Variants in OSBPL3 observed in about 807,000 individuals in gnomAD.
OSBPL3 encodes oxysterol-binding protein-related protein 3.
OSBPL3 carries 65 observed loss-of-function variants against 120.1 expected under a neutral mutation model. The ratio of observed to expected loss-of-function variants is 0.54; its 90% confidence interval spans 0.44 to 0.67. The LOEUF is 0.67. Among genes scored for constraint, OSBPL3 ranks in the 30% least tolerant of loss-of-function variants. The probability of loss-of-function intolerance (pLI) is 0.00; values close to 1 mark genes in which losing one functional copy is unlikely to be tolerated. For missense variants in OSBPL3, 1,004 were observed against 1,082.1 expected (o/e 0.93, Z 1.01); for synonymous variants, 416 against 402.6 (o/e 1.03, Z -0.40).
chr7:24,858,102 T>C (rs907961128), intron 10 of OSBPL3, among the ~76,000 whole-genome samples: 1 of 152,168 alleles, frequency 6.6e-6, no homozygotes, highest in Non-Finnish European at 1.5e-5. Flanking sequence ...TTCAACAATA[T>C]GCCATAAAAA....
rs1291486770 is a variant in OSBPL3 at position 24,817,197 on chromosome 7, T to C, written c.1949-509A>G. On this transcript the variant is annotated intron_variant, in intron 17 of 22. Coordinates refer to ENST00000313367, the MANE Select transcript of OSBPL3 (RefSeq NM_015550.4). The surrounding 1 kb of genome is among the most constrained non-coding windows in gnomAD (Gnocchi z 4.0). ...GTGGTTCTGTCCTATAGGTCTCAGA[T>C]TGTCTTATCTAGAGAAGAGTAGAAA... Among the ~76,000 whole-genome samples, 1 of 152,190 alleles carries C rather than the reference T, an allele frequency of 6.6e-6. No homozygotes were observed. Among genetic ancestry groups the C allele is most frequent in the Non-Finnish European group, 1.5e-5 (1 of 68,032 alleles).
Position 24,822,425 on chromosome 7 carries a change from C to CACTATCTATAATAGTGTCTATTATAGAT in OSBPL3, c.1885-2188_1885-2187insATCTATAATAGACACTATTATAGATAGT, listed in dbSNP as rs1795236977. Among the ~76,000 whole-genome samples the CACTATCTATAATAGTGTCTATTATAGAT allele has an allele frequency of 6.6e-6, 1 of 152,118 alleles. No individual in the cohort carries two copies. The highest frequency in any genetic ancestry group is 1.5e-5 in the Non-Finnish European group (1 of 68,032). On this transcript the variant is annotated intron_variant, in intron 16 of 22. Coordinates refer to ENST00000313367, the MANE Select transcript of OSBPL3 (RefSeq NM_015550.4). This position sits in a 1 kb window ranked among gnomAD's most constrained non-coding sequence, Gnocchi z 5.8. ...GACCAGCCTGGGCAACATAGTGAGA[C>CACTATCTATAATAGTGTCTATTATAGAT]ACTATCTATAATAATAATAACCATT... is the stretch of plus-strand genomic sequence containing the variant.
intron 1 of OSBPL3, among the ~76,000 whole-genome samples, chr7:24,917,422 ATATATTTG>A (rs1809788197): frequency 1.5e-5 from 2 of 136,544 alleles, no homozygotes; most frequent in African/African-American, 5.5e-5. Flanking sequence ...ATATATATAT[ATATATTTG>A]TAACATATAT....
chr7:24,938,228 A>C lies in OSBPL3; in HGVS notation c.-150+41658T>G, dbSNP rs1812649754. Among the ~76,000 whole-genome samples the C allele has an allele frequency of 2.6e-5, 4 of 152,210 alleles. No individual in the cohort carries two copies. The highest frequency in any genetic ancestry group is 2.6e-4 in the Admixed American group (4 of 15,284). On this transcript the variant is annotated intron_variant, in intron 1 of 22. Coordinates refer to ENST00000313367, the MANE Select transcript of OSBPL3 (RefSeq NM_015550.4). The surrounding 1 kb of genome is among the most constrained non-coding windows in gnomAD (Gnocchi z 5.8). ...TGCATGGGATTAATACCCTTATGAA[A>C]GAGAGCCCAGAGAGCTGTCTTGCCT...
At position 24,800,292 on chromosome 7, in the gene OSBPL3, A is replaced by G. The variant is rs750497019; in HGVS notation, c.2568-13T>C. The stretch of plus-strand genomic sequence containing the variant: ...ATCGTCGGATTTCCTGTGAAAGAAG[A>G]AACAATTTCTTGCAGACTCTTGAAA... On this transcript the variant is annotated splice_polypyrimidine_tract_variant and intron_variant, in intron 22 of 22. Transcript: ENST00000313367. The G allele has an allele frequency of 6.5e-7, 1 of 1,537,394 alleles. No homozygotes were observed. Among genetic ancestry groups the G allele is most frequent in the Non-Finnish European group, 9.0e-7 (1 of 1,110,790 alleles).
chr7:24,869,079 G>A (rs899321595), intron 5 of OSBPL3, among the ~76,000 whole-genome samples: 7 of 152,092 alleles, frequency 4.6e-5, no homozygotes, highest in East Asian at 3.8e-4. Context: ...TAACTAGAAC[G>A]CTCAGATAAC....
rs1806567410 is a variant in OSBPL3, at chr7:24,898,871, A to T, written c.-149-6250T>A. 6.6e-6 allele frequency among the ~76,000 whole-genome samples: 1 copy of T among 152,236 alleles called. No homozygotes were observed. The highest frequency in any genetic ancestry group is 2.4e-5 in the African/African-American group (1 of 41,458). On this transcript the variant is annotated intron_variant, in intron 1 of 22. Coordinates refer to ENST00000313367, the MANE Select transcript of OSBPL3 (RefSeq NM_015550.4). The surrounding 1 kb of genome is among the most constrained non-coding windows in gnomAD (Gnocchi z 4.3). ...TCACTGCTTGACCACTTCCTGTGAC[A>T]GAAACAAGGCACTTCATTTCACCTT...
intron 19 of OSBPL3, among the ~76,000 whole-genome samples, chr7:24,812,304 C>CAAAAAAAAAAA (rs57963279): frequency 1.0e-5 from 1 of 97,048 alleles, no homozygotes; most frequent in African/African-American, 4.1e-5. Context: ...GACTCCATCT[C>CAAAAAAAAAAA]AAAAAAAAAA....
intron 1 of OSBPL3, among the ~76,000 whole-genome samples, chr7:24,927,487 G>C (rs930144337): frequency 1.3e-5 from 2 of 152,152 alleles, no homozygotes; most frequent in African/African-American, 2.4e-5. Flanking sequence ...ATATAGTTAT[G>C]CTAGTAAAAT....
At position 24,861,637 on chromosome 7, in the gene OSBPL3, C is replaced by A; in HGVS notation, c.1003G>T (p.Asp335Tyr). The change falls in exon 10 of 23, where the codon GAT becomes TAT. Residue 335 changes from aspartate (D) to tyrosine (Y), a missense_variant. Around this residue, in one of 4 missense-constraint regions of OSBPL3, gnomAD observed 272 missense variants for 248.8 expected, o/e 1.09. Coordinates refer to ENST00000313367, the MANE Select transcript of OSBPL3 (RefSeq NM_015550.4). ...CCTTTATGGGCAATATGACACAGATCTTCTTGCATTTTAGAAAACTCTGAT... is the reference window on the plus strand; with the variant it reads ...CCTTTATGGGCAATATGACACAGATATTCTTGCATTTTAGAAAACTCTGAT... ...TSSEFSKMQEDLCHIAHKVYF... is the reference protein window; with the variant it reads ...TSSEFSKMQEYLCHIAHKVYF... The A allele has an allele frequency of 6.2e-7, 1 of 1,603,772 alleles. No individual in the cohort carries two copies. Among genetic ancestry groups the A allele is most frequent in the Non-Finnish European group, 8.5e-7 (1 of 1,176,318 alleles).
Position 24,808,386 on chromosome 7 carries a change from T to C in OSBPL3, c.2317+1421A>G, listed in dbSNP as rs746610599. Among the ~76,000 whole-genome samples the C allele has an allele frequency of 6.6e-6, 1 of 152,166 alleles. No homozygotes were observed. Among genetic ancestry groups the C allele is most frequent in the Non-Finnish European group, 1.5e-5 (1 of 68,028 alleles). Reference sequence around the variant, plus strand: ...GATGCTCACTGCCATTAGAGAGACATAAAGTCAAGGAATAATGACAGTAAC... The same window carrying C: ...GATGCTCACTGCCATTAGAGAGACACAAAGTCAAGGAATAATGACAGTAAC... On this transcript the variant is annotated intron_variant, in intron 20 of 22. Transcript: ENST00000313367. This position sits in a 1 kb window ranked among gnomAD's most constrained non-coding sequence, Gnocchi z 4.6.
rs563549967 is a variant in OSBPL3 at position 24,906,149 on chromosome 7, C to CA, written c.-149-13529dup. 4.4e-4 allele frequency: 84 copies of CA among 192,606 alleles called. 4 individuals are homozygous for CA. In the South Asian group the frequency reaches 7.1e-3, roughly 16 times the overall value. The allele number at this position is 192,606 out of a possible 1,614,324, so 11.9% of individuals were successfully genotyped here. On this transcript the variant is annotated intron_variant, in intron 1 of 22. Transcript: ENST00000313367. The stretch of plus-strand genomic sequence containing the variant: ...TCTGCATAGTGAGTCATTCTGGGCT[C>CA]AGCAGGCATCATCACGGAGCAGGTA...
At chr7:24,901,490 C>CT (rs1192562578) in intron 1 of OSBPL3, among the ~76,000 whole-genome samples, 1 of 152,242 alleles carries the variant, frequency 6.6e-6, no homozygotes, top group Non-Finnish European at 1.5e-5. Flanking sequence ...ATGTACCTGT[C>CT]TTTGATCCTC....
At chr7:24,909,783 C>CTTTTTTTTTTT (rs10591188) in intron 1 of OSBPL3, among the ~76,000 whole-genome samples, 3 of 77,280 alleles carry the variant, frequency 3.9e-5, no homozygotes, top group Non-Finnish European at 6.8e-5. Context: ...TTTTTTCTTT[C>CTTTTTTTTTTT]TTTTTTTTTT....
rs980408068 is a variant in OSBPL3, at chr7:24,867,750, T to C, written c.382-1513A>G. Among the ~76,000 whole-genome samples the C allele has an allele frequency of 2.6e-5, 4 of 152,172 alleles. No homozygotes were observed. Among genetic ancestry groups the C allele is most frequent in the African/African-American group, 4.8e-5 (2 of 41,452 alleles). ...AGTGTGAAAACGAACTAATACAATA[T>C]GTTAATGAATGTGAAAGTTATTTAA... On this transcript the variant is annotated intron_variant, in intron 5 of 22. Transcript: ENST00000313367. The surrounding 1 kb of genome is among the most constrained non-coding windows in gnomAD (Gnocchi z 4.5).
In OSBPL3 at chr7:24,799,584, A is replaced by G. The variant is rs1297477835; in HGVS notation, c.*599T>C. 6.6e-6 allele frequency: 1 copy of G among 152,300 alleles called. No individual in the cohort carries two copies. Among genetic ancestry groups the G allele is most frequent in the Non-Finnish European group, 1.5e-5 (1 of 68,030 alleles). 9.4% of individuals were successfully genotyped at this position (152,300 alleles called of 1,614,324 possible). A position where few individuals can be genotyped will look rare whatever the true frequency, so the allele number is the denominator to read the frequency against. ...CTTCCTTTTCAAGAAGGTGCCGTAT[A>G]CGTCTTATATAAAAATATACATTCC... On this transcript the variant is annotated 3_prime_UTR_variant, in exon 23 of 23. Coordinates refer to ENST00000313367, the MANE Select transcript of OSBPL3 (RefSeq NM_015550.4). The surrounding 1 kb of genome is among the most constrained non-coding windows in gnomAD (Gnocchi z 5.3).
Position 24,937,052 on chromosome 7 carries a change from ACT to A in OSBPL3, c.-150+42832_-150+42833del, listed in dbSNP as rs1480978201. ...TTTATAAAGGAAAGAGGTTTAATTG[ACT>A]CACAGTTCAGCATGGCTGGGGAAGC... On this transcript the variant is annotated intron_variant, in intron 1 of 22. Coordinates refer to ENST00000313367, the MANE Select transcript of OSBPL3 (RefSeq NM_015550.4). The surrounding 1 kb of genome is among the most constrained non-coding windows in gnomAD (Gnocchi z 4.0). Among the ~76,000 whole-genome samples the A allele has an allele frequency of 2.0e-5, 3 of 152,150 alleles. No individual in the cohort carries two copies. The highest frequency in any genetic ancestry group is 4.4e-5 in the Non-Finnish European group (3 of 68,028).
chr7:24,901,012 C>A (rs1204346894), intron 1 of OSBPL3, among the ~76,000 whole-genome samples: 2 of 136,616 alleles, frequency 1.5e-5, no homozygotes, highest in African/African-American at 5.4e-5. Flanking sequence ...CAGAGCCAGA[C>A]CTTGTCTCGA....
At position 24,871,180 on chromosome 7, in the gene OSBPL3, C is replaced by G. The variant is rs979632908; in HGVS notation, c.268-335G>C. ...GTGAATTCACCTGTCAACTGTACCA[C>G]CTCCCACTGAATGAGTTTCTGGTGT... On this transcript the variant is annotated intron_variant, in intron 4 of 22. Coordinates refer to ENST00000313367, the MANE Select transcript of OSBPL3 (RefSeq NM_015550.4). This position sits in a 1 kb window ranked among gnomAD's most constrained non-coding sequence, Gnocchi z 4.8. Among the ~76,000 whole-genome samples the G allele has an allele frequency of 2.0e-5, 3 of 152,192 alleles. No homozygotes were observed. The highest frequency in any genetic ancestry group is 4.4e-5 in the Non-Finnish European group (3 of 68,038).
Sources: allele counts gnomAD v4.1 joint callset (sites outside exome capture counted in the v4.1 genomes callset), GRCh38; gene constraint gnomAD v4.1.1; regional missense constraint gnomAD v4.1.1; non-coding constraint Gnocchi (gnomAD v3.1); transcripts MANE v1.5; gene names NCBI Gene and HGNC (gene_info 2026-07-23, HGNC 2026-07-21).